DSP: variants seen among roughly 807,000 people sequenced by gnomAD.
The protein encoded by DSP is desmoplakin, also known as 250/210 kDa paraneoplastic pemphigus antigen.
Under a neutral mutation model 290.6 loss-of-function variants are expected in DSP, and 114 were observed. The ratio of observed to expected loss-of-function variants is 0.39; its 90% confidence interval spans 0.34 to 0.46. The LOEUF (loss-of-function observed/expected upper bound fraction) is 0.46, where lower values mean the gene tolerates loss of function less well. Ranked by LOEUF, DSP falls within the 20% of genes least tolerant of loss-of-function variation. The probability of loss-of-function intolerance (pLI) is 0.99; values close to 1 mark genes in which losing one functional copy is unlikely to be tolerated. For missense variants in DSP, 3,230 were observed against 3,495.8 expected (o/e 0.92, Z 1.92); for synonymous variants, 1,311 against 1,316.4 (o/e 1.00, Z 0.09).
Position 7,565,451 on chromosome 6 carries a change from G to A in DSP, c.870G>A (p.Glu290=). 6.2e-7 allele frequency: 1 copy of A among 1,614,140 alleles called. No individual in the cohort carries two copies. Among genetic ancestry groups the A allele is most frequent in the Non-Finnish European group, 8.5e-7 (1 of 1,179,992 alleles). The part of the protein sequence containing the change: ...SREIMWINDC[E]EEELLYDWSD... ...AGATCATGTGGATCAATGACTGCGA[G>A]GAGGAGGAGCTGCTGTACGACTGGA... Residue 290 remains glutamate, a synonymous_variant, in exon 7 of 24, where the codon GAG becomes GAA. Transcript: ENST00000379802. This position sits in a 1 kb window ranked among gnomAD's most constrained non-coding sequence, Gnocchi z 4.2.
In DSP at chr6:7,541,983, G is replaced by T; in HGVS notation, c.68G>T (p.Gly23Val). The T allele has an allele frequency of 6.2e-7, 1 of 1,602,964 alleles. No individual in the cohort carries two copies. The highest frequency in any genetic ancestry group is 1.7e-5 in the Admixed American group (1 of 58,852). Residue 23 changes from glycine (G) to valine (V), a missense_variant, in exon 1 of 24, where the codon GGC becomes GTC. Gly to Val is a moderately radical substitution (Grantham distance 109). Transcript: ENST00000379802. ...GGCCGCATGATCCGCGCCGAGTCTG[G>T]CCCGGACCTGCGCTACGAGGTGACC... The part of the protein sequence containing the change: ...TLGRMIRAES[G>V]PDLRYEVTSG...
intron 1 of DSP, among the ~76,000 whole-genome samples, chr6:7,549,717 T>C (rs1227795515): frequency 6.6e-6 from 1 of 151,924 alleles, no homozygotes; most frequent in East Asian, 1.9e-4. Flanking sequence ...TTCTGGCATA[T>C]GTACAAGAGC....
At position 7,558,258 on chromosome 6, in the gene DSP, A is replaced by G. The variant is rs1385183881; in HGVS notation, c.416A>G (p.Gln139Arg). 1 of 1,613,924 alleles carries G rather than the reference A, an allele frequency of 6.2e-7. No homozygotes were observed. Among genetic ancestry groups the G allele is most frequent in the African/African-American group, 1.3e-5 (1 of 74,940 alleles). ...ATGGGCCAGCCCTGTGATGCTTACC[A>G]GAAAAGGTATTGTCCACAGAGCATG... ...RQMGQPCDAYQKRLLQLQEQM... is the reference protein window; with the variant it reads ...RQMGQPCDAYRKRLLQLQEQM... Residue 139 changes from glutamine (Q) to arginine (R), a missense_variant, in exon 3 of 24, where the codon CAG becomes CGG. By Grantham distance (43) the Gln-to-Arg change is conservative. Around this residue, in one of 5 missense-constraint regions of DSP, gnomAD observed 646 missense variants for 684.3 expected, o/e 0.94. Transcript: ENST00000379802.
intron 11 of DSP, 149 bp from the exon 12 acceptor site, chr6:7,569,037 G>T: frequency 1.0e-6 from 1 of 977,202 alleles, no homozygotes; most frequent in Non-Finnish European, 1.5e-6. Flanking sequence ...CGGTATTGTT[G>T]GGTTGTATGA....
At chr6:7,558,410 CT>C in intron 3 of DSP, 146 bp downstream of exon 3, 1 of 1,079,542 alleles carries the variant, frequency 9.3e-7, no homozygotes, top group Non-Finnish European at 1.3e-6. Context: ...TATTTTGCAA[CT>C]TTATTATGTA....
chr6:7,545,008 A>G (rs968717433), intron 1 of DSP, among the ~76,000 whole-genome samples: 2 of 152,228 alleles, frequency 1.3e-5, no homozygotes, highest in African/African-American at 2.4e-5. Flanking sequence ...TATTCCTGTC[A>G]TTAAAACAAA....
intron 1 of DSP, among the ~76,000 whole-genome samples, chr6:7,554,057 T>G (rs1181730441): frequency 7.0e-6 from 1 of 143,648 alleles, no homozygotes; most frequent in Non-Finnish European, 1.5e-5. Flanking sequence ...ACATTTTTTT[T>G]TAAACAGTGA....
chr6:7,541,983 G>A lies in DSP; in HGVS notation c.68G>A (p.Gly23Asp). The change falls in exon 1 of 24, where the codon GGC becomes GAC. Residue 23 changes from glycine (G) to aspartate (D), a missense_variant. Gly to Asp is a moderately conservative substitution (Grantham distance 94, BLOSUM62 -1). This residue lies in a region of DSP where 646 missense variants were observed against 684.3 expected (regional missense o/e 0.94). Coordinates refer to ENST00000379802, the MANE Select transcript of DSP (RefSeq NM_004415.4). ...TLGRMIRAES[G>D]PDLRYEVTSG... ...GGCCGCATGATCCGCGCCGAGTCTG[G>A]CCCGGACCTGCGCTACGAGGTGACC... 1 of 1,602,964 alleles carries A rather than the reference G, an allele frequency of 6.2e-7. No individual in the cohort carries two copies.
chr6:7,549,335 G>GT (rs1758266279), intron 1 of DSP, among the ~76,000 whole-genome samples: 1 of 152,114 alleles, frequency 6.6e-6, no homozygotes, highest in Non-Finnish European at 1.5e-5. Flanking sequence ...TTTTAGTAGA[G>GT]ACGGGGTTTC....
chr6:7,576,486 T>C lies in DSP; in HGVS notation c.2793+30T>C, dbSNP rs1293583505. The C allele has an allele frequency of 1.9e-6, 3 of 1,613,700 alleles. No homozygotes were observed. The Admixed American group carries it at 5.0e-5, about 27-fold the overall frequency. On this transcript the variant is annotated intron_variant, in intron 19 of 23. Transcript: ENST00000379802. ...AAGCCAACTTTTTGTTCCATAGCTGTTTTGAGATTAATTGGGTGTAATTCA... is the reference window on the plus strand; with the variant it reads ...AAGCCAACTTTTTGTTCCATAGCTGCTTTGAGATTAATTGGGTGTAATTCA...
intron 4 of DSP, 143 bp downstream of exon 4, chr6:7,559,543 T>C (rs929411939): frequency 9.7e-7 from 1 of 1,031,528 alleles, no homozygotes; most frequent in Non-Finnish European, 1.5e-6. Flanking sequence ...TTTCCTCCTA[T>C]ACAATTTGAA....
chr6:7,557,563 T>C (rs946297432), intron 2 of DSP, among the ~76,000 whole-genome samples: 1 of 152,084 alleles, frequency 6.6e-6, no homozygotes, highest in Non-Finnish European at 1.5e-5. Context: ...GCCTGTAGTC[T>C]CAGCTACTCA....
chr6:7,541,846 C>G lies in DSP; in HGVS notation c.-70C>G. The G allele has an allele frequency of 6.5e-7, 1 of 1,527,798 alleles. No homozygotes were observed. Among genetic ancestry groups the G allele is most frequent in the Non-Finnish European group, 8.8e-7 (1 of 1,137,112 alleles). The allele number at this position is 1,527,798 out of a possible 1,614,324, so 94.6% of individuals were successfully genotyped here. ...GCCGTCCGCCTATCCTTGGCCCCCT[C>G]CGCTTTCTCCGCGCCGGCCCGCCTC... On this transcript the variant is annotated 5_prime_UTR_variant, in exon 1 of 24. Transcript: ENST00000379802.
Position 7,565,574 on chromosome 6 carries a change from G to T in DSP, c.939+54G>T. The T allele has an allele frequency of 6.2e-7, 1 of 1,606,886 alleles. No homozygotes were observed. The highest frequency in any genetic ancestry group is 8.5e-7 in the Non-Finnish European group (1 of 1,173,950). Reference sequence around the variant, plus strand: ...CTTGTCTTGAGCCTGTTGCCTTGAAGAGCTGGGGTCTCGGGGAATGATTGG... The same window carrying T: ...CTTGTCTTGAGCCTGTTGCCTTGAATAGCTGGGGTCTCGGGGAATGATTGG... On this transcript the variant is annotated intron_variant, in intron 7 of 23. Transcript: ENST00000379802. The surrounding 1 kb of genome is among the most constrained non-coding windows in gnomAD (Gnocchi z 4.2).
At position 7,585,572 on chromosome 6, in the gene DSP, T is replaced by C. The variant is rs750982524; in HGVS notation, c.8310T>C (p.Tyr2770=). ...AAQRLQDTSS[Y]AKILTCPKTK... is the part of the protein sequence containing the mutation. ...AGAGGCTGCAAGACACCAGCAGCTA[T>C]GCCAAAATCCTGACCTGCCCCAAAA... The change falls in exon 24 of 24, where the codon TAT becomes TAC. Residue 2770 remains tyrosine (Y), a synonymous_variant. Coordinates refer to ENST00000379802, the MANE Select transcript of DSP (RefSeq NM_004415.4). The C allele has an allele frequency of 7.4e-6, 12 of 1,614,058 alleles. No homozygotes were observed. The highest frequency in any genetic ancestry group is 1.3e-5 in the African/African-American group (1 of 74,914).
At position 7,576,354 on chromosome 6, in the gene DSP, T is replaced by G; in HGVS notation, c.2691T>G (p.Ala897=). ...GGAATTATCGTGATAACTATCAGGC[T>G]TTCTGCAAGTGGCTCTATGATGCTA... ...QLRNYRDNYQ[A]FCKWLYDAKR... The change falls in exon 19 of 24, where the codon GCT becomes GCG. Residue 897 remains alanine, a synonymous_variant. Transcript: ENST00000379802. 6.2e-7 allele frequency: 1 copy of G among 1,614,180 alleles called. No homozygotes were observed. Among genetic ancestry groups the G allele is most frequent in the South Asian group, 1.1e-5 (1 of 91,080 alleles).
intron 1 of DSP, among the ~76,000 whole-genome samples, chr6:7,543,877 C>T (rs779728670): frequency 1.2e-4 from 19 of 152,156 alleles, no homozygotes; most frequent in Non-Finnish European, 2.8e-4. Flanking sequence ...TAATGAACTG[C>T]ATCAAGGTAC....
At chr6:7,575,718 A>C (rs1759221452) in intron 18 of DSP, among the ~76,000 whole-genome samples, 1 of 152,254 alleles carries the variant, frequency 6.6e-6, no homozygotes, top group African/African-American at 2.4e-5. Context: ...CCAGGGTCTT[A>C]GAGAAACGGC....
At chr6:7,557,124 T>C (rs1758526528) in intron 2 of DSP, among the ~76,000 whole-genome samples, 2 of 152,206 alleles carry the variant, frequency 1.3e-5, no homozygotes, top group South Asian at 4.1e-4. Context: ...AAGCAGCAAA[T>C]ATAAAATTCC....
Sources: gnomAD v4.1 joint callset for allele counts (sites outside exome capture counted in the v4.1 genomes callset) on GRCh38, gnomAD v4.1.1 for gene constraint, gnomAD v4.1.1 regional missense constraint, Gnocchi (gnomAD v3.1) non-coding constraint, MANE v1.5 for transcripts, NCBI Gene and HGNC (gene_info 2026-07-23, HGNC 2026-07-21) for gene names.